The following TET3 variants were observed in gnomAD, a reference collection of about 807,000 sequenced individuals.
TET3 encodes the protein tet methylcytosine dioxygenase 3, also known as methylcytosine dioxygenase TET3.
A neutral mutation model predicts 141.4 loss-of-function variants in TET3; 19 were observed. The observed-to-expected ratio is 0.13, with a 90% CI of 0.09 to 0.20. TET3 has a LOEUF of 0.20. Among genes scored for constraint, TET3 ranks in the 10% least tolerant of loss-of-function variants. The pLI is 1.00. For missense variants in TET3, 1,874 were observed against 2,356.9 expected, an observed-to-expected ratio of 0.80 and a Z score of 4.24; for synonymous variants, 1,043 against 980.9, an observed-to-expected ratio of 1.06 and a Z score of -1.18.
At position 74,092,963 on chromosome 2, in the gene TET3, G is replaced by A. The variant is rs538401708; in HGVS notation, c.3101G>A (p.Arg1034Gln). The A allele has an allele frequency of 2.7e-5, 43 of 1,581,308 alleles. No individual in the cohort carries two copies. The highest frequency in any genetic ancestry group is 3.3e-4 in the Middle Eastern group (2 of 6,030). ...LATEVAPLYK[R>Q]LAPQAYQNQV... is the part of the protein sequence containing the mutation. ...ACCGAAGTCGCTCCCCTGTACAAGC[G>A]ACTGGCCCCTCAGGCCTATCAGAAC... Residue 1034 changes from arginine to glutamine, a missense_variant, in exon 9 of 12, where the codon CGA (arginine) becomes CAA (glutamine). This residue lies in a region of TET3 where 126 missense variants were observed against 327.4 expected (regional missense o/e 0.38). Transcript: ENST00000409262.
rs1031968573 is a variant in TET3, at chr2:74,080,793, C to T, written c.2679+202C>T. 1.3e-5 allele frequency among the ~76,000 whole-genome samples: 2 copies of T among 152,144 alleles called. 1 individual carries two copies. The highest frequency in any genetic ancestry group is 4.1e-4 in the South Asian group (2 of 4,822). ...ATCTGGCTCAGGGTTAGGGTCATTT[C>T]CCCCAGCCTCAGCTGTTTGTCCTCA... is the stretch of plus-strand genomic sequence containing the variant. On this transcript the variant is annotated intron_variant, in intron 6 of 11. Transcript: ENST00000409262.
At chr2:74,090,766 G>A (rs1690446443) in intron 8 of TET3, among the ~76,000 whole-genome samples, 1 of 152,160 alleles carries the variant, frequency 6.6e-6, no homozygotes, top group South Asian at 2.1e-4. Flanking sequence ...CATGGCAAAG[G>A]CCCTCCTGAG....
At chr2:74,015,357 G>T (rs562998706) in intron 3 of TET3, among the ~76,000 whole-genome samples, 7 of 152,206 alleles carry the variant, frequency 4.6e-5, no homozygotes, top group Non-Finnish European at 1.0e-4. Flanking sequence ...CAATATAAAA[G>T]TACATAATTA....
At chr2:74,084,551 C>T (rs1257438830) in intron 6 of TET3, among the ~76,000 whole-genome samples, 1 of 151,600 alleles carries the variant, frequency 6.6e-6, no homozygotes, top group Non-Finnish European at 1.5e-5. Flanking sequence ...CTCCTGGGTT[C>T]ACGCCATTCT....
In TET3 at chr2:74,105,630, C is replaced by G. The variant is rs1222029244; in HGVS notation, c.*3454C>G. The G allele has an allele frequency of 2.7e-6, 1 of 370,700 alleles. No individual in the cohort carries two copies. Among genetic ancestry groups the G allele is most frequent in the East Asian group, 3.9e-5 (1 of 25,402 alleles). The allele number at this position is 370,700 out of a possible 1,614,324, so 23.0% of individuals were successfully genotyped here. On this transcript the variant is annotated 3_prime_UTR_variant, in exon 12 of 12. Coordinates refer to ENST00000409262, the MANE Select transcript of TET3 (RefSeq NM_001287491.2). ...GGAAAGAGATGATACCCCACCGCCC[C>G]CTCTTGGTCCTTCCACCAGCCTCTT...
At chr2:74,011,051 C>A (rs1183329169) in intron 3 of TET3, among the ~76,000 whole-genome samples, 1 of 151,838 alleles carries the variant, frequency 6.6e-6, no homozygotes, top group East Asian at 1.9e-4. Flanking sequence ...GCCTGGCCAA[C>A]ATGGAGAAAC....
chr2:74,051,371 A>G (rs1038643518), intron 4 of TET3, among the ~76,000 whole-genome samples: 15 of 152,244 alleles, frequency 9.9e-5, no homozygotes, highest in Non-Finnish European at 2.1e-4. Flanking sequence ...GCAGAAACAA[A>G]TTTGAACAAT....
At chr2:74,090,653 C>T (rs1341330858) in intron 8 of TET3, among the ~76,000 whole-genome samples, 1 of 152,188 alleles carries the variant, frequency 6.6e-6, no homozygotes, top group Non-Finnish European at 1.5e-5. Context: ...CCCTGCAGGG[C>T]CTCCCCCAGC....
chr2:74,061,533 T>A (rs1267183357), intron 4 of TET3, among the ~76,000 whole-genome samples: 3 of 114,428 alleles, frequency 2.6e-5, no homozygotes, highest in East Asian at 3.2e-4. Context: ...CACTTCCCAG[T>A]AGGGGCGGCC....
chr2:74,100,662 A>G lies in TET3; in HGVS notation c.3874A>G (p.Ser1292Gly), dbSNP rs751666621. The stretch of plus-strand genomic sequence containing the variant: ...TTTTAGCTACTATGGCTTTCCATCC[A>G]GCAACCCCGTCTTCCCCTCTCAGTT... ...PSFSYYGFPS[S>G]NPVFPSQFLG... is the part of the protein sequence containing the mutation. Residue 1292 changes from serine (S) to glycine (G), a missense_variant, in exon 12 of 12, where the codon AGC becomes GGC. By Grantham distance (56) the Ser-to-Gly change is moderately conservative. Transcript: ENST00000409262. 6.2e-7 allele frequency: 1 copy of G among 1,614,014 alleles called. No individual in the cohort carries two copies. The highest frequency in any genetic ancestry group is 8.5e-7 in the Non-Finnish European group (1 of 1,179,894).
the TET3 span, among the ~76,000 whole-genome samples, chr2:74,124,476 G>A: frequency 2.0e-5 from 3 of 152,354 alleles, no homozygotes; most frequent in East Asian, 3.9e-4. Context: ...TGACGATGGC[G>A]GTTTTGTTGA....
At chr2:74,003,255 C>T in intron 3 of TET3, 89 bp downstream of exon 3, 1 of 1,502,944 alleles carries the variant, frequency 6.7e-7, no homozygotes, top group Non-Finnish European at 9.0e-7. Flanking sequence ...AGGGTCTCCT[C>T]TGGTGATCCC....
At chr2:74,066,245 C>T (rs1022224414) in intron 4 of TET3, among the ~76,000 whole-genome samples, 4 of 152,154 alleles carry the variant, frequency 2.6e-5, no homozygotes, top group African/African-American at 9.7e-5. Context: ...ATTTGTATCT[C>T]CTTTATGTTA....
rs775838605 is a variant in TET3 at position 74,105,958 on chromosome 2, T to C, written c.*3782T>C. On this transcript the variant is annotated 3_prime_UTR_variant, in exon 12 of 12. Transcript: ENST00000409262. Reference sequence around the variant, plus strand: ...TGTTTTATGGACTAGGAAGCATTTTTATGAATTGAAATAGTCTAAATAAAA... The same window carrying C: ...TGTTTTATGGACTAGGAAGCATTTTCATGAATTGAAATAGTCTAAATAAAA... 1.3e-5 allele frequency: 2 copies of C among 153,750 alleles called. No homozygotes were observed. The highest frequency in any genetic ancestry group is 2.9e-5 in the Non-Finnish European group (2 of 68,074). 9.5% of individuals were successfully genotyped at this position (153,750 alleles called of 1,614,324 possible).
intron 3 of TET3, among the ~76,000 whole-genome samples, chr2:74,017,680 A>G (rs1010419796): frequency 3.9e-5 from 6 of 152,186 alleles, no homozygotes; most frequent in Non-Finnish European, 5.9e-5. Context: ...GATGTTGTCA[A>G]TACTGCCGCA....
Position 74,087,614 on chromosome 2 carries a change from T to C in TET3, c.2680-216T>C, listed in dbSNP as rs143831490. Among the ~76,000 whole-genome samples the C allele has an allele frequency of 9.5e-3, 1,451 of 152,336 alleles. 23 individuals carry two copies. Among genetic ancestry groups the C allele is most frequent in the African/African-American group, 0.033 (1,360 of 41,570 alleles). The stretch of plus-strand genomic sequence containing the variant: ...ACTCTCAAAATAACTTTTATGTTTT[T>C]GTTCCCTAACAAAACATTTGTTCCT... On this transcript the variant is annotated intron_variant, in intron 6 of 11. Coordinates refer to ENST00000409262, the MANE Select transcript of TET3 (RefSeq NM_001287491.2). This position sits in a 1 kb window ranked among gnomAD's most constrained non-coding sequence, Gnocchi z 4.3.
chr2:74,061,078 C>T (rs1197271794), intron 4 of TET3, among the ~76,000 whole-genome samples: 1 of 151,664 alleles, frequency 6.6e-6, no homozygotes, highest in African/African-American at 2.4e-5. Context: ...TCCTCACTTC[C>T]CAGTAGGGGC....
intron 10 of TET3, among the ~76,000 whole-genome samples, chr2:74,095,878 G>A (rs558248869): frequency 6.6e-6 from 1 of 152,310 alleles, no homozygotes; most frequent in East Asian, 1.9e-4. Context: ...TTACAGGCTT[G>A]GGGCACTAAT....
At chr2:74,011,515 G>A (rs1265343289) in intron 3 of TET3, among the ~76,000 whole-genome samples, 2 of 152,204 alleles carry the variant, frequency 1.3e-5, no homozygotes, top group African/African-American at 2.4e-5. Context: ...CTATGTGGGT[G>A]CTCCTGAAAC....
Sources: allele counts gnomAD v4.1 joint callset (sites outside exome capture counted in the v4.1 genomes callset), GRCh38; gene constraint gnomAD v4.1.1; regional missense constraint gnomAD v4.1.1; non-coding constraint Gnocchi (gnomAD v3.1); transcripts MANE v1.5; gene names NCBI Gene and HGNC (gene_info 2026-07-23, HGNC 2026-07-21).